The following DCAF8L2 variants were observed in gnomAD, a reference collection of about 807,000 sequenced individuals.
DCAF8L2 encodes DDB1 and CUL4 associated factor 8 like 2.
For missense variants in DCAF8L2, 430 were observed against 490.7 expected (o/e 0.88, Z 1.17); for synonymous variants, 200 against 190.9 (o/e 1.05, Z -0.39).
At chrX:27,470,228 C>T in the DCAF8L2 span, among the ~76,000 whole-genome samples, 4 of 112,050 alleles carry the variant, frequency 3.6e-5, no homozygotes, top group South Asian at 3.7e-4. Flanking sequence ...TTATCAAATA[C>T]GTAGGTGAGA....
At chrX:27,515,449 G>A in the DCAF8L2 span, among the ~76,000 whole-genome samples, 1 of 112,058 alleles carries the variant, frequency 8.9e-6, no homozygotes, top group East Asian at 2.8e-4. Flanking sequence ...GGAAGCTGAG[G>A]CAGTAGAATC....
chrX:27,678,773 A>T (rs1465782174), intron 3 of DCAF8L2, among the ~76,000 whole-genome samples: 1 of 111,796 alleles, frequency 8.9e-6, no homozygotes, highest in African/African-American at 3.3e-5. Context: ...TGGTTGCACA[A>T]CAATGTAAAT....
the DCAF8L2 span, among the ~76,000 whole-genome samples, chrX:27,538,192 T>A: frequency 9.0e-6 from 1 of 110,980 alleles, no homozygotes; most frequent in African/African-American, 3.3e-5. Flanking sequence ...TTCCCTCTAG[T>A]TTACCTATTT....
At chrX:27,532,248 G>A in the DCAF8L2 span, among the ~76,000 whole-genome samples, 1 of 110,570 alleles carries the variant, frequency 9.0e-6, no homozygotes, top group Admixed American at 9.7e-5. Context: ...CAGATTGCAG[G>A]GCTGGAACTG....
At chrX:27,665,942 T>C (rs1416931924) in intron 2 of DCAF8L2, among the ~76,000 whole-genome samples, 2 of 112,126 alleles carry the variant, frequency 1.8e-5, no homozygotes, top group Non-Finnish European at 3.8e-5. Flanking sequence ...TCTATGTGAC[T>C]TGCTTTATTG....
At chrX:27,596,572 A>G (rs1926367572) in intron 1 of DCAF8L2, among the ~76,000 whole-genome samples, 1 of 111,636 alleles carries the variant, frequency 9.0e-6, no homozygotes, top group Admixed American at 9.6e-5. Flanking sequence ...GGTGAAAAAC[A>G]ATATATTTGC....
intron 1 of DCAF8L2, among the ~76,000 whole-genome samples, chrX:27,601,340 G>A (rs903064010): frequency 3.6e-5 from 4 of 112,179 alleles, no homozygotes; most frequent in Non-Finnish European, 5.6e-5. Flanking sequence ...ATGTAGGAAC[G>A]ATATTATTTA....
At chrX:27,472,869 CCTCTGA>C in the DCAF8L2 span, among the ~76,000 whole-genome samples, 6 of 111,565 alleles carry the variant, frequency 5.4e-5, no homozygotes, top group African/African-American at 2.0e-4. Context: ...TTTTCTCATG[CCTCTGA>C]CTGTGATAAG....
intron 4 of DCAF8L2, among the ~76,000 whole-genome samples, chrX:27,745,521 A>C (rs919363051): frequency 1.8e-5 from 2 of 112,010 alleles, no homozygotes; most frequent in Non-Finnish European, 3.8e-5. Flanking sequence ...TGGGCTTTTC[A>C]GTGGTTTTCA....
chrX:27,481,698 T>G, the DCAF8L2 span, among the ~76,000 whole-genome samples: 54 of 111,491 alleles, frequency 4.8e-4, no homozygotes, highest in African/African-American at 1.7e-3. Context: ...GATTGGTCTT[T>G]GTCAAAAAGG....
chrX:27,518,849 A>C, the DCAF8L2 span: 1 of 546,250 alleles, frequency 1.8e-6, no homozygotes, highest in African/African-American at 2.3e-5. Context: ...GAGCATGATG[A>C]CAAGTTGACA....
chrX:27,734,179 G>A (rs886280450), intron 4 of DCAF8L2, among the ~76,000 whole-genome samples: 1 of 104,597 alleles, frequency 9.6e-6, no homozygotes, highest in South Asian at 4.1e-4. Context: ...CTGAAAGCAC[G>A]AGCAAGGGCA....
intron 2 of DCAF8L2, among the ~76,000 whole-genome samples, chrX:27,657,174 C>T (rs1222768006): frequency 1.8e-5 from 2 of 111,135 alleles, no homozygotes; most frequent in African/African-American, 6.6e-5. Context: ...TACTTAATAA[C>T]CTCCCCTTTA....
the DCAF8L2 span, among the ~76,000 whole-genome samples, chrX:27,540,446 A>G: frequency 3.6e-5 from 4 of 111,420 alleles, no homozygotes; most frequent in African/African-American, 1.3e-4. Context: ...GGAGGACATT[A>G]TATTAAGTGA....
At chrX:27,483,061 G>A in the DCAF8L2 span, among the ~76,000 whole-genome samples, 1 of 111,642 alleles carries the variant, frequency 9.0e-6, no homozygotes, top group Non-Finnish European at 1.9e-5. Context: ...TGCTTTTGTA[G>A]AGAGCATTTA....
At chrX:27,529,625 A>G in the DCAF8L2 span, among the ~76,000 whole-genome samples, 1 of 111,923 alleles carries the variant, frequency 8.9e-6, no homozygotes. Flanking sequence ...AAGTCAAGTG[A>G]TTCTCAAAAC....
At chrX:27,504,847 A>G in the DCAF8L2 span, among the ~76,000 whole-genome samples, 1 of 111,434 alleles carries the variant, frequency 9.0e-6, no homozygotes, top group Non-Finnish European at 1.9e-5. Context: ...TCATGATTCT[A>G]TCTCTTTACA....
At chrX:27,664,718 T>A (rs1041739189) in intron 2 of DCAF8L2, among the ~76,000 whole-genome samples, 4 of 111,742 alleles carry the variant, frequency 3.6e-5, no homozygotes, top group East Asian at 2.8e-4. Context: ...GCTAAGGCAG[T>A]TGGTGACTTT....
chrX:27,502,335 A>AATATATATATATAT, the DCAF8L2 span, among the ~76,000 whole-genome samples: 2 of 12,710 alleles, frequency 1.6e-4, no homozygotes, highest in Non-Finnish European at 3.0e-4. Flanking sequence ...AAAAAAAAAA[A>AATATATATATATAT]ATATATATAT....
Sources: allele counts gnomAD v4.1 joint callset (sites outside exome capture counted in the v4.1 genomes callset), GRCh38; gene constraint gnomAD v4.1.1; transcripts MANE v1.5; gene names NCBI Gene and HGNC (gene_info 2026-07-23, HGNC 2026-07-21).